The following ESRRB variants were observed in gnomAD, a reference collection of about 807,000 sequenced individuals.
ESRRB encodes the protein estrogen related receptor beta, also known as steroid hormone receptor ERR2.
Under a neutral mutation model 46.0 loss-of-function variants are expected in ESRRB, and 16 were observed. The ratio of observed to expected loss-of-function variants is 0.35; its 90% confidence interval spans 0.24 to 0.53. The LOEUF is 0.53. Ranked by LOEUF, ESRRB falls within the 20% of genes least tolerant of loss-of-function variation. The pLI is 0.93. For missense variants in ESRRB, 488 were observed against 607.4 expected (o/e 0.80, Z 2.07); for synonymous variants, 246 against 259.6 (o/e 0.95, Z 0.50).
chr14:76,435,298 G>C (rs1287807105), intron 1 of ESRRB, among the ~76,000 whole-genome samples: 1 of 152,252 alleles, frequency 6.6e-6, no homozygotes, highest in African/African-American at 2.4e-5. Context: ...AATGAAGCAA[G>C]ACCAGAGGCA....
intron 6 of ESRRB, among the ~76,000 whole-genome samples, chr14:76,498,013 G>A (rs1472917976): frequency 6.6e-6 from 1 of 152,140 alleles, no homozygotes; most frequent in Non-Finnish European, 1.5e-5. Flanking sequence ...CCCTGTAGAC[G>A]CCAGTCTCTC....
At chr14:76,406,318 G>C (rs1886182936) in intron 1 of ESRRB, among the ~76,000 whole-genome samples, 1 of 152,140 alleles carries the variant, frequency 6.6e-6, no homozygotes, top group South Asian at 2.1e-4. Context: ...GTTAGGGCTT[G>C]GTTCTCAATG....
intron 1 of ESRRB, among the ~76,000 whole-genome samples, chr14:76,389,600 G>C (rs1885384574): frequency 6.6e-6 from 1 of 152,142 alleles, no homozygotes; most frequent in African/African-American, 2.4e-5. Context: ...ATATCCTTCT[G>C]GGAGGCAATG....
chr14:76,498,197 CG>C lies in ESRRB; in HGVS notation c.1121-16del, dbSNP rs1566619459. 1.9e-6 allele frequency: 3 copies of C among 1,613,412 alleles called. No homozygotes were observed. In the African/African-American group the frequency reaches 4.0e-5, roughly 22 times the overall value. ...CTCCCTGGCCAAGCCTGCTAATGCT[CG>C]TCCTTGTGCCTGCAGATTCCATGTA... On this transcript the variant is annotated splice_polypyrimidine_tract_variant and intron_variant, in intron 6 of 6. Coordinates refer to ENST00000644823, the MANE Select transcript of ESRRB (RefSeq NM_001379180.1).
intron 2 of ESRRB, among the ~76,000 whole-genome samples, chr14:76,455,180 G>A (rs972136292): frequency 6.6e-6 from 1 of 152,132 alleles, no homozygotes; most frequent in African/African-American, 2.4e-5. Context: ...TTATGCCACT[G>A]TCCTCCAGCC....
chr14:76,491,369 GC>G (rs1463875857), intron 5 of ESRRB, 77 bp from the exon 6 acceptor site: 18 of 1,477,464 alleles, frequency 1.2e-5, no homozygotes, highest in Non-Finnish European at 1.7e-5. Context: ...TGCAACCTCT[GC>G]CCCCAGCGAG....
chr14:76,330,955 C>T (rs1884006260), intron 1 of ESRRB, among the ~76,000 whole-genome samples: 1 of 152,166 alleles, frequency 6.6e-6, no homozygotes, highest in Non-Finnish European at 1.5e-5. Flanking sequence ...CCCTGCTAGA[C>T]AGCCTGCAGA....
chr14:76,344,908 A>T (rs901510965), intron 1 of ESRRB, among the ~76,000 whole-genome samples: 6 of 152,056 alleles, frequency 3.9e-5, no homozygotes, highest in Non-Finnish European at 7.4e-5. Flanking sequence ...AATGATGTTA[A>T]TTCATTCCTT....
chr14:76,374,082 A>AGC (rs1319262339), upstream of ESRRB, among the ~76,000 whole-genome samples: 13 of 152,286 alleles, frequency 8.5e-5, no homozygotes, highest in East Asian at 2.3e-3. Context: ...CTTCCTGGGC[A>AGC]GCGGCCTGTC....
chr14:76,439,199 C>A lies in ESRRB; in HGVS notation c.51-142C>A, dbSNP rs879078577. On this transcript the variant is annotated intron_variant, in intron 1 of 6. Coordinates refer to ENST00000644823, the MANE Select transcript of ESRRB (RefSeq NM_001379180.1). Reference sequence around the variant, plus strand: ...TGCTCCCGGCTGCGCCGAGGGGAGACCAGCTGACCTTCTCCACCGTTGTTT... The same window carrying A: ...TGCTCCCGGCTGCGCCGAGGGGAGAACAGCTGACCTTCTCCACCGTTGTTT... The A allele has an allele frequency of 4.8e-5, 46 of 957,608 alleles. 1 individual carries two copies. In the South Asian group the frequency reaches 5.6e-4, roughly 12 times the overall value. 59.3% of individuals were successfully genotyped at this position (957,608 alleles called of 1,614,324 possible). A position where few individuals can be genotyped will look rare whatever the true frequency, so the allele number is the denominator to read the frequency against.
At chr14:76,371,988 A>T (rs1015189843), upstream of ESRRB, among the ~76,000 whole-genome samples, 1 of 152,172 alleles carries the variant, frequency 6.6e-6, no homozygotes, top group African/African-American at 2.4e-5. Context: ...GGCTGCCTCA[A>T]GAGAGGGAAG....
At chr14:76,439,908 T>C (rs1887847547) in intron 2 of ESRRB, among the ~76,000 whole-genome samples, 158 bp downstream of exon 2, 1 of 152,138 alleles carries the variant, frequency 6.6e-6, no homozygotes, top group African/African-American at 2.4e-5. Flanking sequence ...TCAGGGCTTC[T>C]CATTCTGGCA....
At chr14:76,412,823 G>A (rs1312022811) in intron 1 of ESRRB, among the ~76,000 whole-genome samples, 2 of 152,184 alleles carry the variant, frequency 1.3e-5, no homozygotes, top group Non-Finnish European at 2.9e-5. Context: ...ACAGGATTGT[G>A]AAGCAGAAGG....
At chr14:76,370,264 G>C (rs983256023), upstream of ESRRB, among the ~76,000 whole-genome samples, 5 of 151,792 alleles carry the variant, frequency 3.3e-5, no homozygotes, top group African/African-American at 1.2e-4. Context: ...CAGGTGTGGT[G>C]GTGGGCACCT....
At chr14:76,420,795 C>T (rs1566888812) in intron 1 of ESRRB, among the ~76,000 whole-genome samples, 1 of 152,140 alleles carries the variant, frequency 6.6e-6, no homozygotes, top group African/African-American at 2.4e-5. Flanking sequence ...CCCTTTGTAT[C>T]AGGGGTTCCC....
At chr14:76,389,103 C>T (rs1211461288) in intron 1 of ESRRB, among the ~76,000 whole-genome samples, 1 of 152,236 alleles carries the variant, frequency 6.6e-6, no homozygotes, top group Non-Finnish European at 1.5e-5. Context: ...TGAGTCCCCT[C>T]CTACATCTGG....
At chr14:76,488,750 C>G (rs1890109829) in intron 5 of ESRRB, among the ~76,000 whole-genome samples, 3 of 152,164 alleles carry the variant, frequency 2.0e-5, no homozygotes, top group Admixed American at 2.0e-4. Flanking sequence ...CCTCACCACC[C>G]TGCTTGACAG....
At chr14:76,391,999 A>G (rs1032472670) in intron 1 of ESRRB, among the ~76,000 whole-genome samples, 6 of 151,688 alleles carry the variant, frequency 4.0e-5, no homozygotes, top group Admixed American at 6.6e-5. Flanking sequence ...TCTCTGAAGA[A>G]CTCTGTGTTT....
upstream of ESRRB, among the ~76,000 whole-genome samples, chr14:76,370,118 T>C (rs1884585388): frequency 6.6e-6 from 1 of 151,926 alleles, no homozygotes; most frequent in African/African-American, 2.4e-5. Flanking sequence ...AAGCCAGGCA[T>C]GGTGGCTCAC....
Sources: gnomAD v4.1 joint callset for allele counts (sites outside exome capture counted in the v4.1 genomes callset) on GRCh38, gnomAD v4.1.1 for gene constraint, MANE v1.5 for transcripts, NCBI Gene and HGNC (gene_info 2026-07-23, HGNC 2026-07-21) for gene names.